The following PCDHGA4 variants were observed in gnomAD, a reference collection of about 807,000 sequenced individuals.
PCDHGA4 encodes the protein protocadherin gamma-A4.
PCDHGA4 carries 38 observed loss-of-function variants against 54.6 expected under a neutral mutation model. The observed-to-expected ratio is 0.70, with a 90% confidence interval of 0.54 to 0.91. PCDHGA4 has a LOEUF of 0.91. Among genes scored for constraint, PCDHGA4 ranks in the 40% least tolerant of loss-of-function variants. The pLI, the probability that PCDHGA4 is intolerant of heterozygous loss-of-function variation, is 0.00. For missense variants in PCDHGA4, 1,298 were observed against 1,220.9 expected (o/e 1.06, Z -0.94); for synonymous variants, 511 against 512.9 (o/e 1.00, Z 0.05).
At chr5:141,454,964 C>T (rs1283179107) in intron 1 of PCDHGA4, among the ~76,000 whole-genome samples, 10 of 151,622 alleles carry the variant, frequency 6.6e-5, no homozygotes, top group African/African-American at 2.4e-4. Flanking sequence ...CCGGCCACCA[C>T]GCCTGGCTAA....
chr5:141,441,036 A>G (rs2098219746), intron 1 of PCDHGA4: 1 of 152,216 alleles, frequency 6.6e-6, no homozygotes, highest in South Asian at 2.1e-4. Context: ...TGAAAACTTT[A>G]AGTACATTGG....
At chr5:141,435,884 C>G (rs1020738994) in intron 1 of PCDHGA4, among the ~76,000 whole-genome samples, 9 of 152,070 alleles carry the variant, frequency 5.9e-5, no homozygotes, top group African/African-American at 1.9e-4. Flanking sequence ...ATTGGAAACC[C>G]CTTAGAGAAT....
intron 1 of PCDHGA4, chr5:141,378,992 A>G (rs1300045216): frequency 6.6e-6 from 1 of 152,246 alleles, no homozygotes; most frequent in Non-Finnish European, 1.5e-5. Flanking sequence ...ACTACATTAT[A>G]GTCAAGATTT....
intron 1 of PCDHGA4, chr5:141,403,259 C>T: frequency 6.2e-7 from 1 of 1,613,866 alleles, no homozygotes; most frequent in Admixed American, 1.7e-5. Context: ...CCCGCGGTGT[C>T]TGGTGAACTT....
At chr5:141,360,260 C>T (rs535439542) in intron 1 of PCDHGA4, 1 of 1,613,962 alleles carries the variant, frequency 6.2e-7, no homozygotes, top group East Asian at 2.2e-5. Flanking sequence ...GAGGAGCTGG[C>T]CAAAAACTCG....
chr5:141,385,325 T>C (rs1781126490), intron 1 of PCDHGA4: 2 of 1,606,594 alleles, frequency 1.2e-6, no homozygotes, highest in Admixed American at 3.4e-5. Flanking sequence ...AGTATTCAGG[T>C]GAGCCCAGCC....
At chr5:141,375,457 A>T in intron 1 of PCDHGA4, 1 of 1,613,816 alleles carries the variant, frequency 6.2e-7, no homozygotes, top group East Asian at 2.2e-5. Flanking sequence ...CATCCTACTC[A>T]GTCTATGTCC....
chr5:141,389,712 A>G, intron 1 of PCDHGA4: 1 of 1,612,620 alleles, frequency 6.2e-7, no homozygotes, highest in East Asian at 2.2e-5. Context: ...GCTGCAGGCT[A>G]GCGAGCCCGG....
In PCDHGA4 at chr5:141,490,462, ACCAG is replaced by A; in HGVS notation, c.2515-4338_2515-4335del. On this transcript the variant is annotated intron_variant, in intron 1 of 3. Coordinates refer to ENST00000571252, the MANE Select transcript of PCDHGA4 (RefSeq NM_018917.4). The surrounding 1 kb of genome is among the most constrained non-coding windows in gnomAD (Gnocchi z 5.4). ...TTCTGAGAACCACTACTCGCTGCTA[ACCAG>A]CCAGCCTTTGGACCGGGAGGCCACA... 1 of 1,614,198 alleles carries A rather than the reference ACCAG, an allele frequency of 6.2e-7. No homozygotes were observed.
At position 141,362,507 on chromosome 5, in the gene PCDHGA4, C is replaced by T. The variant is rs746688845; in HGVS notation, c.2514+4886C>T. ...GACAATGCCTCTTGGGAACAAAATA[C>T]AAATCATGGAGCCGCTGGGGTCCCT... On this transcript the variant is annotated intron_variant, in intron 1 of 3. Transcript: ENST00000571252. 8 of 1,613,994 alleles carry T rather than the reference C, an allele frequency of 5.0e-6. No homozygotes were observed. The highest frequency in any genetic ancestry group is 5.9e-6 in the Non-Finnish European group (7 of 1,179,876).
rs75563633 is a variant in PCDHGA4 at position 141,365,084 on chromosome 5, C to G, written c.2514+7463C>G. The G allele has an allele frequency of 4.2e-4, 675 of 1,613,836 alleles. 2 individuals carry two copies. The African/African-American group carries it at 8.3e-3, about 20-fold the overall frequency. ...CCCATCCGAGTACAGCGTGAGTGTT[C>G]CAGAGAACATACCTGTGGGCACTCG... On this transcript the variant is annotated intron_variant, in intron 1 of 3. Coordinates refer to ENST00000571252, the MANE Select transcript of PCDHGA4 (RefSeq NM_018917.4).
chr5:141,396,595 G>C (rs1227428439), intron 1 of PCDHGA4: 1 of 151,972 alleles, frequency 6.6e-6, no homozygotes, highest in African/African-American at 2.4e-5. Flanking sequence ...ACTCCAGCCT[G>C]GGCAACAGGG....
rs776258973 is a variant in PCDHGA4, at chr5:141,489,877, A to G, written c.2515-4930A>G. 1.2e-6 allele frequency: 2 copies of G among 1,614,230 alleles called. No individual in the cohort carries two copies. The highest frequency in any genetic ancestry group is 2.2e-5 in the South Asian group (2 of 91,090). Reference sequence around the variant, plus strand: ...CCAGGCAAGACATCAGCTGGTGCTTACTGCTGTGGATGGGGGGACCCCAGC... The same window carrying G: ...CCAGGCAAGACATCAGCTGGTGCTTGCTGCTGTGGATGGGGGGACCCCAGC... On this transcript the variant is annotated intron_variant, in intron 1 of 3. Coordinates refer to ENST00000571252, the MANE Select transcript of PCDHGA4 (RefSeq NM_018917.4). This position sits in a 1 kb window ranked among gnomAD's most constrained non-coding sequence, Gnocchi z 4.5.
At chr5:141,397,267 A>G (rs1411112086) in intron 1 of PCDHGA4, among the ~76,000 whole-genome samples, 1 of 152,230 alleles carries the variant, frequency 6.6e-6, no homozygotes, top group East Asian at 1.9e-4. Flanking sequence ...TCTTAGCTAC[A>G]TCATATGGGC....
intron 1 of PCDHGA4, chr5:141,415,531 C>G (rs777787905): frequency 1.2e-6 from 2 of 1,614,030 alleles, no homozygotes; most frequent in Non-Finnish European, 1.7e-6. Context: ...GCTCATCAGC[C>G]AGGAGAGCTG....
chr5:141,490,998 C>T lies in PCDHGA4; in HGVS notation c.2515-3809C>T, dbSNP rs1284919124. 5 of 1,614,014 alleles carry T rather than the reference C, an allele frequency of 3.1e-6. No homozygotes were observed. The highest frequency in any genetic ancestry group is 1.7e-5 in the Admixed American group (1 of 60,016). On this transcript the variant is annotated intron_variant, in intron 1 of 3. Coordinates refer to ENST00000571252, the MANE Select transcript of PCDHGA4 (RefSeq NM_018917.4). The surrounding 1 kb of genome is among the most constrained non-coding windows in gnomAD (Gnocchi z 5.4). Reference sequence around the variant, plus strand: ...GTCTCCCTCGCTCTGCTCCTCCTGGCTCCTTGGTCACCAAGGTGACAGCCG... The same window carrying T: ...GTCTCCCTCGCTCTGCTCCTCCTGGTTCCTTGGTCACCAAGGTGACAGCCG...
chr5:141,372,027 A>G (rs764132695), intron 1 of PCDHGA4: 3 of 1,613,296 alleles, frequency 1.9e-6, no homozygotes, highest in Non-Finnish European at 2.5e-6. Flanking sequence ...GCTCAGCGCC[A>G]ACGTGAGCCT....
At chr5:141,403,276 C>A in intron 1 of PCDHGA4, 2 of 1,613,844 alleles carry the variant, frequency 1.2e-6, no homozygotes, top group South Asian at 2.2e-5. Flanking sequence ...ACTTTAAAGT[C>A]CTGGTTGAAG....
At chr5:141,415,490 T>C in intron 1 of PCDHGA4, 2 of 1,614,228 alleles carry the variant, frequency 1.2e-6, no homozygotes, top group Admixed American at 3.3e-5. Flanking sequence ...AAGAGTCACC[T>C]GATCTTCCCC....
Sources: allele counts gnomAD v4.1 joint callset (sites outside exome capture counted in the v4.1 genomes callset), GRCh38; gene constraint gnomAD v4.1.1; non-coding constraint Gnocchi (gnomAD v3.1); transcripts MANE v1.5; gene names NCBI Gene and HGNC (gene_info 2026-07-23, HGNC 2026-07-21).